The following TRMT11 variants were observed in gnomAD, a reference collection of about 807,000 sequenced individuals.
The protein encoded by TRMT11 is tRNA methyltransferase 11, also known as tRNA (guanine(10)-N(2))-methyltransferase TRMT11.
A neutral mutation model predicts 62.8 loss-of-function variants in TRMT11; 53 were observed. The ratio of observed to expected loss-of-function variants is 0.84; its 90% CI spans 0.68 to 1.06. The LOEUF (loss-of-function observed/expected upper bound fraction) is 1.06. Ranked by LOEUF, TRMT11 falls within the 50% of genes least tolerant of loss-of-function variation. TRMT11 has a pLI of 0.00. For synonymous variants in TRMT11, 188 were observed against 190.3 expected (o/e 0.99, Z 0.10); for missense variants, 556 against 553.4 (o/e 1.00, Z -0.05).
chr6:126,032,139 G>A (rs190320502), intron 12 of TRMT11, among the ~76,000 whole-genome samples: 60 of 152,220 alleles, frequency 3.9e-4, no homozygotes, highest in African/African-American at 1.4e-3. Flanking sequence ...CCAGGACCAT[G>A]GGGCAGTACT....
At chr6:126,048,431 G>A (rs1342616567) in intron 16 of TRMT11, among the ~76,000 whole-genome samples, 1 of 152,192 alleles carries the variant, frequency 6.6e-6, no homozygotes, top group Non-Finnish European at 1.5e-5. Flanking sequence ...TGGAAAAGTA[G>A]AGATTTGCAG....
At position 126,121,990 on chromosome 6, in the gene TRMT11, T is replaced by C. The variant is rs1777655197; in HGVS notation, c.*1823+6135T>C. On this transcript the variant is annotated intron_variant and NMD_transcript_variant, in intron 21 of 22. Transcript: ENST00000648977. ...TAGCTCCCATAATTCCCATGTGTCA[T>C]AGGAGGGACCTGATGGGAGATAATT... is the stretch of plus-strand genomic sequence containing the variant. 2.0e-5 allele frequency among the ~76,000 whole-genome samples: 3 copies of C among 152,210 alleles called. No individual in the cohort carries two copies. In the South Asian group the frequency reaches 6.2e-4, roughly 32 times the overall value.
At chr6:126,187,391 A>G (rs1224490774) in intron 1 of TRMT11, among the ~76,000 whole-genome samples, 1 of 152,000 alleles carries the variant, frequency 6.6e-6, no homozygotes, top group East Asian at 1.9e-4. Flanking sequence ...ATATCTGAAA[A>G]CAAGTTTAAT....
chr6:126,093,585 GTATATATA>G (rs56176946), intron 17 of TRMT11, among the ~76,000 whole-genome samples: 1,472 of 46,640 alleles, frequency 0.032, 61 homozygotes, highest in Middle Eastern at 0.12. Context: ...GGATATGTAT[GTATATATA>G]TATATATATA....
intron 1 of TRMT11, among the ~76,000 whole-genome samples, chr6:125,992,964 TC>T (rs1401490775): frequency 6.6e-6 from 1 of 152,170 alleles, no homozygotes; most frequent in African/African-American, 2.4e-5. Context: ...GTGGGGGACT[TC>T]CTGGTCTGGG....
chr6:126,219,629 TG>T, the TRMT11 span, among the ~76,000 whole-genome samples: 1 of 152,256 alleles, frequency 6.6e-6, no homozygotes, highest in Admixed American at 6.5e-5. Context: ...CTCATGTTTT[TG>T]TTGCATTATC....
intron 21 of TRMT11, among the ~76,000 whole-genome samples, chr6:126,123,306 G>C (rs756225787): frequency 3.9e-5 from 6 of 152,042 alleles, no homozygotes; most frequent in Non-Finnish European, 7.4e-5. Flanking sequence ...CCATCTTTTG[G>C]GGGCAGGAAG....
the TRMT11 span, among the ~76,000 whole-genome samples, chr6:126,234,114 G>C: frequency 2.6e-4 from 39 of 152,054 alleles, no homozygotes; most frequent in African/African-American, 8.9e-4. Context: ...GTCTCTGTTG[G>C]GGAGACAGTT....
chr6:126,200,407 T>C lies in TRMT11; in HGVS notation n.371+507T>C, dbSNP rs1205605050. Among the ~76,000 whole-genome samples, 5 of 152,326 alleles carry C rather than the reference T, an allele frequency of 3.3e-5. No homozygotes were observed. In the South Asian group the frequency reaches 8.3e-4, roughly 25 times the overall value. ...CTCATCTAGAAAATGCCACCGTTATTTTAAAATACAAAGTCAGAAGTTAAA... is the reference window on the plus strand; with the variant it reads ...CTCATCTAGAAAATGCCACCGTTATCTTAAAATACAAAGTCAGAAGTTAAA... On this transcript the variant is annotated intron_variant and non_coding_transcript_variant, in intron 3 of 3. Coordinates refer to the TRMT11 transcript ENST00000444229.
intron 17 of TRMT11, among the ~76,000 whole-genome samples, chr6:126,069,749 T>C (rs149432982): frequency 1.3e-5 from 2 of 152,340 alleles, no homozygotes; most frequent in African/African-American, 4.8e-5. Flanking sequence ...TCTCTGGTTA[T>C]TGGAGACTTT....
At chr6:126,140,099 G>A (rs940366521) in intron 21 of TRMT11, among the ~76,000 whole-genome samples, 3 of 151,918 alleles carry the variant, frequency 2.0e-5, no homozygotes, top group African/African-American at 7.3e-5. Flanking sequence ...AATTTCAGAA[G>A]ATTAAAAATG....
intron 17 of TRMT11, among the ~76,000 whole-genome samples, chr6:126,084,795 T>A (rs1283783894): frequency 1.3e-5 from 2 of 152,140 alleles, no homozygotes; most frequent in African/African-American, 4.8e-5. Context: ...GCAACATGGA[T>A]GAACCTGGAG....
the TRMT11 span, among the ~76,000 whole-genome samples, chr6:126,227,509 C>T: frequency 3.9e-5 from 6 of 152,188 alleles, no homozygotes; most frequent in African/African-American, 1.4e-4. Context: ...GATATATTTA[C>T]ATATCTCTAC....
At chr6:126,150,360 A>T (rs1476103125) in intron 21 of TRMT11, among the ~76,000 whole-genome samples, 1 of 152,188 alleles carries the variant, frequency 6.6e-6, no homozygotes, top group African/African-American at 2.4e-5. Flanking sequence ...GTTTCTTGGA[A>T]TTACCCAGTT....
the TRMT11 span, among the ~76,000 whole-genome samples, chr6:126,246,903 A>G: frequency 6.6e-6 from 1 of 152,222 alleles, no homozygotes; most frequent in Non-Finnish European, 1.5e-5. Context: ...AAGATAGAAA[A>G]TATGTTACAT....
At chr6:126,188,979 A>G (rs976946903) in intron 1 of TRMT11, among the ~76,000 whole-genome samples, 7 of 152,140 alleles carry the variant, frequency 4.6e-5, no homozygotes, top group South Asian at 2.1e-4. Context: ...GGTAAAAGCA[A>G]TGACTATCTC....
At chr6:126,192,167 G>A (rs933089081) in intron 1 of TRMT11, among the ~76,000 whole-genome samples, 1 of 151,906 alleles carries the variant, frequency 6.6e-6, no homozygotes, top group Non-Finnish European at 1.5e-5. Flanking sequence ...TCACTTATCT[G>A]GTTAAATGTA....
At chr6:126,254,855 G>C in the TRMT11 span, among the ~76,000 whole-genome samples, 3 of 151,762 alleles carry the variant, frequency 2.0e-5, no homozygotes, top group African/African-American at 7.3e-5. Flanking sequence ...TATTTCTATG[G>C]ATTTGAAATT....
chr6:126,040,403 T>A (rs1775840637), downstream of TRMT11, among the ~76,000 whole-genome samples: 1 of 152,062 alleles, frequency 6.6e-6, no homozygotes, highest in Non-Finnish European at 1.5e-5. Context: ...AGGCTCAGAG[T>A]ATAATTTGTT....
Sources: allele counts gnomAD v4.1 joint callset (sites outside exome capture counted in the v4.1 genomes callset), GRCh38; gene constraint gnomAD v4.1.1; transcripts MANE v1.5; gene names NCBI Gene and HGNC (gene_info 2026-07-23, HGNC 2026-07-21).